The following GABPB2 variants were observed in gnomAD, a reference collection of about 807,000 sequenced individuals.
GABPB2 encodes the protein GA binding protein transcription factor subunit beta 2, also known as GA-binding protein subunit beta-2.
In GABPB2, 23 loss-of-function variants were observed where a neutral mutation model predicts 39.1. The observed-to-expected ratio is 0.59, with a 90% CI of 0.42 to 0.83. The LOEUF is 0.83. GABPB2 is among the 40% of genes least tolerant of loss of function. The pLI is 0.00. For synonymous variants in GABPB2, 184 were observed against 199.3 expected (o/e 0.92, Z 0.65); for missense variants, 467 against 541.1 (o/e 0.86, Z 1.36).
rs777890508 is a variant in GABPB2 at position 151,098,009 on chromosome 1, T to A, written c.622+7T>A. ...AACACCAAAACAACCTCAGGTAATG[T>A]TCTGATAACATGAAATTTATTTTAG... On this transcript the variant is annotated splice_region_variant and intron_variant, in intron 5 of 8. Coordinates refer to ENST00000368918, the MANE Select transcript of GABPB2 (RefSeq NM_144618.3). The A allele has an allele frequency of 6.8e-6, 11 of 1,612,896 alleles. No homozygotes were observed. In the South Asian group the frequency reaches 1.2e-4, roughly 18 times the overall value.
intron 6 of GABPB2, among the ~76,000 whole-genome samples, chr1:151,105,503 A>G (rs2101543558): frequency 6.6e-6 from 1 of 150,662 alleles, no homozygotes; most frequent in South Asian, 2.1e-4. Context: ...ATATATATAT[A>G]TGTTTGGGGT....
chr1:151,111,066 G>A (rs1266057251), intron 7 of GABPB2, among the ~76,000 whole-genome samples: 1 of 152,026 alleles, frequency 6.6e-6, no homozygotes, highest in Admixed American at 6.6e-5. Flanking sequence ...GAGCGCTTGA[G>A]GTCGGGATTT....
In GABPB2 at chr1:151,103,044, C is replaced by CTTT. The variant is rs376522230; in HGVS notation, c.623-497_623-495dup. On this transcript the variant is annotated intron_variant, in intron 5 of 8. Transcript: ENST00000368918. ...ATGTAGTGGCCCTGTACAAAGTATA[C>CTTT]TTTTTTTTTTTTTTTTTTTTTTTGA... Among the ~76,000 whole-genome samples the CTTT allele has an allele frequency of 6.0e-3, 531 of 88,148 alleles. 4 individuals are homozygous for CTTT. Among genetic ancestry groups the CTTT allele is most frequent in the East Asian group, 0.01 (29 of 2,846 alleles). 57.8% of individuals were successfully genotyped at this position (88,148 alleles called of 152,430 possible).
At position 151,090,472 on chromosome 1, in the gene GABPB2, C is replaced by T. The variant is rs768860075; in HGVS notation, c.175C>T (p.Arg59Ter). 1.9e-5 allele frequency: 31 copies of T among 1,614,086 alleles called. No homozygotes were observed. The highest frequency in any genetic ancestry group is 1.9e-4 in the African/African-American group (14 of 75,038). The change falls in exon 3 of 9, where the codon CGA (arginine) becomes TGA (stop). Residue 59 changes from arginine to a stop codon, truncating the protein, a stop_gained. Coordinates refer to ENST00000368918, the MANE Select transcript of GABPB2 (RefSeq NM_144618.3). LOFTEE classifies it high-confidence loss of function. ...TTATTCCACAGCAGAAGTACTCCTT[C>T]GAGCAGGTGTTAGCAGGGATGCCCG... ...GHYSTAEVLLRAGVSRDARTK... is the reference protein window; with the variant it reads ...GHYSTAEVLL
chr1:151,103,248 A>C (rs1015847527), intron 5 of GABPB2, among the ~76,000 whole-genome samples: 4 of 151,290 alleles, frequency 2.6e-5, no homozygotes, highest in African/African-American at 9.7e-5. Flanking sequence ...ACGGGGTTTC[A>C]CCATGTTAGC....
At chr1:151,101,372 CGA>C (rs1268550768) in intron 5 of GABPB2, among the ~76,000 whole-genome samples, 1 of 151,972 alleles carries the variant, frequency 6.6e-6, no homozygotes, top group East Asian at 1.9e-4. Context: ...GTCAGGAGTT[CGA>C]GACCAGCCTG....
intron 6 of GABPB2, among the ~76,000 whole-genome samples, chr1:151,104,875 T>C (rs909568576): frequency 3.9e-4 from 58 of 148,072 alleles, no homozygotes; most frequent in Admixed American, 2.1e-4. Context: ...CCTCCCTCCC[T>C]CTCTCTCTCT....
chr1:151,073,690 G>C (rs1355658737), intron 1 of GABPB2, among the ~76,000 whole-genome samples: 1 of 152,120 alleles, frequency 6.6e-6, no homozygotes, highest in Non-Finnish European at 1.5e-5. Context: ...GGGAGGCTGA[G>C]GCGGGCAGAT....
chr1:151,083,461 G>C (rs1333090752), intron 1 of GABPB2, among the ~76,000 whole-genome samples: 5 of 152,052 alleles, frequency 3.3e-5, no homozygotes, highest in Admixed American at 3.3e-4. Context: ...GCGAAAACCT[G>C]TCTCTACTAA....
chr1:151,097,408 G>C (rs11204776), intron 4 of GABPB2, among the ~76,000 whole-genome samples: 7,278 of 152,160 alleles, frequency 0.048, 290 homozygotes, highest in African/African-American at 0.1. Flanking sequence ...GGGACATTGT[G>C]TACCGGAACT....
rs770162643 is a variant in GABPB2, at chr1:151,118,065, C to A, written c.1156C>A (p.Arg386Ser). ...LKKEQEAEQYRLKLEAIARQQ... is the reference protein window; with the variant it reads ...LKKEQEAEQYSLKLEAIARQQ... ...GAAAGAGCAGGAAGCAGAACAGTAC[C>A]GTCTTAAGCTGGAGGCCATAGCCCG... The change falls in exon 9 of 9, where the codon CGT becomes AGT. Residue 386 changes from arginine (R) to serine (S), a missense_variant. Transcript: ENST00000368918. 2 of 1,614,096 alleles carry A rather than the reference C, an allele frequency of 1.2e-6. No homozygotes were observed. The highest frequency in any genetic ancestry group is 1.7e-5 in the Admixed American group (1 of 59,988).
At chr1:151,090,766 G>C (rs1378514364) in intron 3 of GABPB2, among the ~76,000 whole-genome samples, 193 bp downstream of exon 3, 2 of 151,888 alleles carry the variant, frequency 1.3e-5, no homozygotes, top group African/African-American at 2.4e-5. Flanking sequence ...GGCCGAGACG[G>C]GTGGATCACA....
At position 151,118,512 on chromosome 1, in the gene GABPB2, G is replaced by T; in HGVS notation, c.*256G>T. The T allele has an allele frequency of 2.8e-6, 1 of 357,062 alleles. No homozygotes were observed. Among genetic ancestry groups the T allele is most frequent in the Non-Finnish European group, 5.0e-6 (1 of 198,178 alleles). 22.1% of individuals were successfully genotyped at this position (357,062 alleles called of 1,614,324 possible). On this transcript the variant is annotated 3_prime_UTR_variant, in exon 9 of 9. Transcript: ENST00000368918. ...TCATATCATTGCTTTAAACATAGAA[G>T]TAAAAGAATACTGCATGTTGTGGGT...
At chr1:151,079,891 TCACA>T (rs769040896) in intron 1 of GABPB2, among the ~76,000 whole-genome samples, 3 of 148,044 alleles carry the variant, frequency 2.0e-5, no homozygotes, top group Non-Finnish European at 3.0e-5. Context: ...CAAAACTCTG[TCACA>T]CACACACACA....
intron 1 of GABPB2, among the ~76,000 whole-genome samples, chr1:151,077,690 C>T (rs587700401): frequency 9.2e-5 from 14 of 151,988 alleles, no homozygotes; most frequent in Admixed American, 2.6e-4. Context: ...CAGTGGCTCA[C>T]GCCTGTAATC....
chr1:151,071,237 C>T (rs1676682956), intron 1 of GABPB2, among the ~76,000 whole-genome samples: 1 of 152,126 alleles, frequency 6.6e-6, no homozygotes, highest in Non-Finnish European at 1.5e-5. Context: ...CGGCGCGGAG[C>T]CGGGGCCGAG....
intron 7 of GABPB2, among the ~76,000 whole-genome samples, chr1:151,114,390 T>C (rs1393260220): frequency 1.3e-5 from 2 of 151,954 alleles, no homozygotes; most frequent in East Asian, 1.9e-4. Context: ...ACACCATAAT[T>C]GTTTACAGGT....
At position 151,120,996 on chromosome 1, in the gene GABPB2, TC is replaced by T. The variant is rs1297251476; in HGVS notation, c.*2742del. 1 of 152,198 alleles carries T rather than the reference TC, an allele frequency of 6.6e-6. No homozygotes were observed. The highest frequency in any genetic ancestry group is 6.6e-5 in the Admixed American group (1 of 15,264). 9.4% of individuals were successfully genotyped at this position (152,198 alleles called of 1,614,324 possible). ...GTCTGGAACTCCTGGCCTCAGGTGA[TC>T]CACCCGCCTTGGCCTCCCAAAATGC... is the stretch of plus-strand genomic sequence containing the variant. On this transcript the variant is annotated 3_prime_UTR_variant, in exon 9 of 9. Coordinates refer to ENST00000368918, the MANE Select transcript of GABPB2 (RefSeq NM_144618.3).
At chr1:151,109,664 T>A (rs1387757156) in intron 7 of GABPB2, among the ~76,000 whole-genome samples, 1 of 150,298 alleles carries the variant, frequency 6.7e-6, no homozygotes, top group East Asian at 1.9e-4. Context: ...CGGCCTATAG[T>A]TTTTTTTTGT....
Sources: gnomAD v4.1 joint callset for allele counts (sites outside exome capture counted in the v4.1 genomes callset) on GRCh38, gnomAD v4.1.1 for gene constraint, MANE v1.5 for transcripts, NCBI Gene and HGNC (gene_info 2026-07-23, HGNC 2026-07-21) for gene names.